The following MGRN1 variants were observed in gnomAD, a reference collection of about 807,000 sequenced individuals.
MGRN1 encodes the protein mahogunin ring finger 1.
MGRN1 carries 29 observed loss-of-function variants against 69.2 expected under a neutral mutation model. The ratio of observed to expected loss-of-function variants is 0.42; its 90% confidence interval spans 0.31 to 0.57. The LOEUF (loss-of-function observed/expected upper bound fraction) is 0.57. Ranked by LOEUF, MGRN1 falls within the 20% of genes least tolerant of loss-of-function variation. MGRN1 has a pLI of 0.15. For synonymous variants in MGRN1, 470 were observed against 344.2 expected, an observed-to-expected ratio of 1.37 and a Z score of -4.04; for missense variants, 998 against 796.2, an observed-to-expected ratio of 1.25 and a Z score of -3.05.
chr16:4,671,459 G>C lies in MGRN1; in HGVS notation c.795G>C (p.Lys265Asn). 1 of 1,613,974 alleles carries C rather than the reference G, an allele frequency of 6.2e-7. No individual in the cohort carries two copies. Among genetic ancestry groups the C allele is most frequent in the South Asian group, 1.1e-5 (1 of 91,082 alleles). Residue 265 changes from lysine (K) to asparagine (N), a missense_variant and splice_region_variant, in exon 9 of 17, where the codon AAG becomes AAC. Coordinates refer to ENST00000262370, the MANE Select transcript of MGRN1 (RefSeq NM_015246.4). ...GIENKNNQET[K>N]PSDDENSDNS... ...AGAACAAGAACAACCAGGAGACCAAGGTGTGTATCTGGGTGAGGTTTCCCT... is the reference window on the plus strand; with the variant it reads ...AGAACAAGAACAACCAGGAGACCAACGTGTGTATCTGGGTGAGGTTTCCCT...
At chr16:4,627,115 C>A (rs1254428513) in intron 1 of MGRN1, among the ~76,000 whole-genome samples, 1 of 152,232 alleles carries the variant, frequency 6.6e-6, no homozygotes, top group Non-Finnish European at 1.5e-5. Flanking sequence ...CGGGCCTCAG[C>A]AGCATTTTGG....
intron 10 of MGRN1, among the ~76,000 whole-genome samples, chr16:4,675,850 G>C (rs373056904): frequency 9.8e-5 from 15 of 152,302 alleles, no homozygotes; most frequent in African/African-American, 3.4e-4. Context: ...GTGAAAAGCC[G>C]CTCGTAGGGC....
chr16:4,667,335 G>T (rs1286110651), intron 7 of MGRN1, among the ~76,000 whole-genome samples: 1 of 152,202 alleles, frequency 6.6e-6, no homozygotes, highest in Non-Finnish European at 1.5e-5. Flanking sequence ...GCGAGGCTGG[G>T]TCTGTTCTCT....
chr16:4,659,197 A>G (rs2078620713), intron 5 of MGRN1: 1 of 152,182 alleles, frequency 6.6e-6, no homozygotes, highest in South Asian at 2.1e-4. Flanking sequence ...ATAAAAGTAA[A>G]ATAAACGTCT....
intron 4 of MGRN1, among the ~76,000 whole-genome samples, chr16:4,656,441 C>G (rs1246640249): frequency 6.6e-6 from 1 of 152,238 alleles, no homozygotes; most frequent in African/African-American, 2.4e-5. Flanking sequence ...GAGACCCGCG[C>G]TGCATGTGGG....
chr16:4,688,636 C>T (rs899407295), intron 16 of MGRN1, 160 bp from the exon 17 acceptor site: 3 of 1,414,774 alleles, frequency 2.1e-6, no homozygotes, highest in Non-Finnish European at 2.8e-6. Flanking sequence ...TCCCCGGGCC[C>T]TTGGTGTGCT....
chr16:4,689,888 C>A lies in MGRN1; in HGVS notation c.*980C>A, dbSNP rs1390251561. On this transcript the variant is annotated 3_prime_UTR_variant, in exon 17 of 17. Coordinates refer to ENST00000262370, the MANE Select transcript of MGRN1 (RefSeq NM_015246.4). ...TCAAGTGATCGTCCTGCCTTAGGCT[C>A]CTGAGTAGCTGGGGATTACAGGTGC... 6.6e-6 allele frequency: 1 copy of A among 152,060 alleles called. No homozygotes were observed. Among genetic ancestry groups the A allele is most frequent in the Admixed American group, 6.6e-5 (1 of 15,260 alleles). The allele number at this position is 152,060 out of a possible 1,614,324, so 9.4% of individuals were successfully genotyped here.
intron 5 of MGRN1, among the ~76,000 whole-genome samples, chr16:4,658,413 G>A (rs1250643713): frequency 1.3e-5 from 2 of 152,094 alleles, no homozygotes; most frequent in Non-Finnish European, 2.9e-5. Context: ...GCGGGCGCCT[G>A]TAGTCCCACC....
In MGRN1 at chr16:4,660,403, C is replaced by T. The variant is rs117246640; in HGVS notation, c.561+3040C>T. 2.0e-3 allele frequency among the ~76,000 whole-genome samples: 312 copies of T among 152,352 alleles called. 3 individuals are homozygous for T. Among genetic ancestry groups the T allele is most frequent in the South Asian group, 5.6e-3 (27 of 4,828 alleles). On this transcript the variant is annotated intron_variant, in intron 5 of 16. Coordinates refer to ENST00000262370, the MANE Select transcript of MGRN1 (RefSeq NM_015246.4). ...GAGTGGGAGAGAAGGCTATAGCCAC[C>T]ATCTTGCACGCCTCCCCAGACCGTT...
At chr16:4,655,278 A>C (rs367708422) in intron 4 of MGRN1, among the ~76,000 whole-genome samples, 2 of 152,118 alleles carry the variant, frequency 1.3e-5, no homozygotes, top group African/African-American at 4.8e-5. Flanking sequence ...TGACCATCTC[A>C]AGTGCACTTG....
intron 5 of MGRN1, 114 bp from the exon 6 acceptor site, chr16:4,664,595 C>A: frequency 9.1e-7 from 1 of 1,097,096 alleles, no homozygotes; most frequent in Middle Eastern, 2.0e-4. Context: ...GTCCTCTGAG[C>A]TCTGCTGCTG....
At chr16:4,660,649 T>G (rs977839876) in intron 5 of MGRN1, among the ~76,000 whole-genome samples, 7 of 152,334 alleles carry the variant, frequency 4.6e-5, no homozygotes, top group African/African-American at 1.7e-4. Context: ...CTCCCCCGTT[T>G]GGCTCCATCA....
intron 1 of MGRN1, among the ~76,000 whole-genome samples, chr16:4,645,316 G>A (rs921341200): frequency 5.9e-5 from 9 of 152,014 alleles, no homozygotes; most frequent in African/African-American, 2.2e-4. Context: ...ACAGGCATGC[G>A]CTGCCATGCC....
intron 4 of MGRN1, among the ~76,000 whole-genome samples, chr16:4,655,736 C>G (rs1308442280): frequency 1.3e-5 from 2 of 152,242 alleles, no homozygotes; most frequent in Non-Finnish European, 1.5e-5. Context: ...GCTCCAGGAC[C>G]TGGAGGCTGT....
At chr16:4,634,561 G>C (rs1219112307) in intron 1 of MGRN1, 1 of 152,494 alleles carries the variant, frequency 6.6e-6, no homozygotes, top group Non-Finnish European at 1.5e-5. Flanking sequence ...TCGCTGAACA[G>C]CTGTAGAATT....
intron 1 of MGRN1, among the ~76,000 whole-genome samples, chr16:4,637,544 C>T (rs1284101624): frequency 1.3e-5 from 2 of 152,162 alleles, no homozygotes; most frequent in African/African-American, 4.8e-5. Flanking sequence ...CGCCTTAGTG[C>T]CGTTTATGGA....
At chr16:4,682,339 G>C (rs2079204785) in intron 13 of MGRN1, among the ~76,000 whole-genome samples, 1 of 152,364 alleles carries the variant, frequency 6.6e-6, no homozygotes, top group Admixed American at 6.5e-5. Flanking sequence ...GTCATTCGTG[G>C]TTCCCCTGGA....
chr16:4,688,633 G>C, intron 16 of MGRN1, 163 bp from the exon 17 acceptor site: 2 of 1,408,200 alleles, frequency 1.4e-6, no homozygotes, highest in South Asian at 1.7e-5. Flanking sequence ...GAGTCCCCGG[G>C]CCCTTGGTGT....
intron 2 of MGRN1, 28 bp downstream of exon 2, chr16:4,650,511 G>A (rs759325757): frequency 6.5e-7 from 1 of 1,549,976 alleles, no homozygotes; most frequent in Non-Finnish European, 8.8e-7. Flanking sequence ...TGTCTCATGG[G>A]GCTGTGGGGG....
Sources: gnomAD v4.1 joint callset for allele counts (sites outside exome capture counted in the v4.1 genomes callset) on GRCh38, gnomAD v4.1.1 for gene constraint, MANE v1.5 for transcripts, NCBI Gene and HGNC (gene_info 2026-07-23, HGNC 2026-07-21) for gene names.